The following TAFA1 variants were observed in gnomAD, a reference collection of about 807,000 sequenced individuals.
TAFA1 encodes the protein chemokine-like protein TAFA-1.
In TAFA1, 4 loss-of-function variants were observed where a neutral mutation model predicts 18.5. The observed-to-expected ratio is 0.22, with a 90% CI of 0.11 to 0.49. TAFA1 has a LOEUF of 0.49. Ranked by LOEUF, TAFA1 falls within the 20% of genes least tolerant of loss-of-function variation. TAFA1 has a pLI of 0.98. For synonymous variants in TAFA1, 56 were observed against 55.2 expected (o/e 1.01, Z -0.06); for missense variants, 147 against 169.0 (o/e 0.87, Z 0.72).
chr3:68,060,750 G>T (rs1488488417), intron 2 of TAFA1, among the ~76,000 whole-genome samples: 1 of 152,170 alleles, frequency 6.6e-6, no homozygotes, highest in Non-Finnish European at 1.5e-5. Flanking sequence ...AAAGATAAAA[G>T]AGTTGGAGGG....
chr3:68,136,941 C>T (rs1476741534), intron 2 of TAFA1, among the ~76,000 whole-genome samples: 2 of 152,136 alleles, frequency 1.3e-5, no homozygotes, highest in African/African-American at 4.8e-5. Flanking sequence ...TCATTAAGGA[C>T]TGTCAGCAGC....
At chr3:68,227,474 G>A (rs1166517371) in intron 2 of TAFA1, among the ~76,000 whole-genome samples, 1 of 152,308 alleles carries the variant, frequency 6.6e-6, no homozygotes, top group Admixed American at 6.5e-5. Context: ...GCCTTGCCAA[G>A]TTGGTGACAT....
At chr3:68,024,748 G>C (rs978598374) in intron 2 of TAFA1, among the ~76,000 whole-genome samples, 1 of 151,154 alleles carries the variant, frequency 6.6e-6, no homozygotes, top group African/African-American at 2.4e-5. Context: ...GGCAGAATAA[G>C]GCTGAGGCAA....
intron 3 of TAFA1, among the ~76,000 whole-genome samples, chr3:68,462,028 C>G (rs1240287564): frequency 6.6e-6 from 1 of 152,016 alleles, no homozygotes; most frequent in African/African-American, 2.4e-5. Flanking sequence ...TACATTTTCA[C>G]TGTTAAAAGT....
chr3:68,217,555 A>G (rs967134454), intron 2 of TAFA1, among the ~76,000 whole-genome samples: 2 of 152,078 alleles, frequency 1.3e-5, no homozygotes, highest in Non-Finnish European at 2.9e-5. Flanking sequence ...TGAATAAAGC[A>G]TGGACTTTAT....
chr3:68,515,606 C>T (rs561350218), intron 3 of TAFA1, among the ~76,000 whole-genome samples: 1 of 152,304 alleles, frequency 6.6e-6, no homozygotes, highest in Admixed American at 6.5e-5. Flanking sequence ...ATGTTGACAT[C>T]ACCAAGCCTC....
At chr3:68,483,908 C>A (rs1014994748) in intron 3 of TAFA1, among the ~76,000 whole-genome samples, 16 of 152,182 alleles carry the variant, frequency 1.1e-4, no homozygotes, top group Non-Finnish European at 5.9e-5. Flanking sequence ...AGGTATGAAG[C>A]TTGATTTTAT....
At chr3:68,383,263 G>T (rs1394894123) in intron 2 of TAFA1, among the ~76,000 whole-genome samples, 4 of 27,488 alleles carry the variant, frequency 1.5e-4, no homozygotes, top group South Asian at 4.0e-3. Context: ...TGTCTTTTGC[G>T]GGTTTTGAGG....
At chr3:68,235,836 G>T (rs1291360009) in intron 2 of TAFA1, among the ~76,000 whole-genome samples, 2 of 152,086 alleles carry the variant, frequency 1.3e-5, no homozygotes, top group African/African-American at 4.8e-5. Flanking sequence ...AAAATTTCTT[G>T]AGAGTGAAAA....
chr3:68,337,470 C>T (rs915295014), intron 2 of TAFA1, among the ~76,000 whole-genome samples: 5 of 152,110 alleles, frequency 3.3e-5, no homozygotes, highest in African/African-American at 1.2e-4. Context: ...TGGGCAAGGA[C>T]ACAAATCCAA....
Position 68,011,118 on chromosome 3 carries a change from T to A in TAFA1, c.118+4374T>A, listed in dbSNP as rs185141071. Among the ~76,000 whole-genome samples, 4 of 114,436 alleles carry A rather than the reference T, an allele frequency of 3.5e-5. No individual in the cohort carries two copies. The Admixed American group carries it at 4.7e-4, about 14-fold the overall frequency. 75.1% of individuals were successfully genotyped at this position (114,436 alleles called of 152,430 possible). A position where few individuals can be genotyped will look rare whatever the true frequency, so the allele number is the denominator to read the frequency against. On this transcript the variant is annotated intron_variant, in intron 2 of 4. Coordinates refer to ENST00000478136, the MANE Select transcript of TAFA1 (RefSeq NM_213609.4). ...ATTTTGATAGTTACTTAATTTTGAA[T>A]GTGTGTGTGTGGGGGGTGGTGGGGG... is the stretch of plus-strand genomic sequence containing the variant.
intron 2 of TAFA1, among the ~76,000 whole-genome samples, chr3:68,292,071 C>A (rs778222351): frequency 2.0e-5 from 3 of 152,146 alleles, no homozygotes; most frequent in Non-Finnish European, 4.4e-5. Flanking sequence ...ATCACCATCT[C>A]CCCTCCTAGC....
chr3:68,132,246 A>T (rs2065549172), intron 2 of TAFA1, among the ~76,000 whole-genome samples: 1 of 152,214 alleles, frequency 6.6e-6, no homozygotes, highest in African/African-American at 2.4e-5. Flanking sequence ...TCCGTGGTGT[A>T]TATGTACCAC....
At chr3:68,102,418 A>G (rs1465868702) in intron 2 of TAFA1, among the ~76,000 whole-genome samples, 4 of 152,136 alleles carry the variant, frequency 2.6e-5, no homozygotes, top group African/African-American at 9.7e-5. Flanking sequence ...CAACCATTCA[A>G]TTATGTATAT....
At chr3:68,228,167 G>A (rs1469008485) in intron 2 of TAFA1, among the ~76,000 whole-genome samples, 2 of 152,178 alleles carry the variant, frequency 1.3e-5, no homozygotes, top group African/African-American at 4.8e-5. Context: ...GATAATGCAT[G>A]GAAAGCATCA....
At chr3:68,025,979 C>T (rs1316850059) in intron 2 of TAFA1, among the ~76,000 whole-genome samples, 3 of 152,082 alleles carry the variant, frequency 2.0e-5, no homozygotes, top group Non-Finnish European at 4.4e-5. Context: ...CAGTTTTGAT[C>T]CCTGTTATGT....
chr3:68,354,237 C>G (rs1348400005), intron 2 of TAFA1, among the ~76,000 whole-genome samples: 2 of 151,686 alleles, frequency 1.3e-5, no homozygotes, highest in Non-Finnish European at 2.9e-5. Flanking sequence ...ATGGAATTGT[C>G]AACATTCAAA....
At chr3:68,105,649 T>A (rs1489427919) in intron 2 of TAFA1, among the ~76,000 whole-genome samples, 1 of 152,128 alleles carries the variant, frequency 6.6e-6, no homozygotes, top group Non-Finnish European at 1.5e-5. Context: ...AAATACCAAA[T>A]TTCACGTGAG....
intron 2 of TAFA1, among the ~76,000 whole-genome samples, chr3:68,170,078 C>A (rs2066033640): frequency 6.6e-6 from 1 of 152,110 alleles, no homozygotes; most frequent in Non-Finnish European, 1.5e-5. Flanking sequence ...GTCTAAGGAG[C>A]ACTTATTCAG....
Sources: allele counts gnomAD v4.1 joint callset (sites outside exome capture counted in the v4.1 genomes callset), GRCh38; gene constraint gnomAD v4.1.1; transcripts MANE v1.5; gene names NCBI Gene and HGNC (gene_info 2026-07-23, HGNC 2026-07-21).